The following RAB1A variants were observed in gnomAD, a reference collection of about 807,000 sequenced individuals.
RAB1A encodes the protein ras-related protein Rab-1A.
In RAB1A, 2 loss-of-function variants were observed where a neutral mutation model predicts 26.0. The observed-to-expected ratio is 0.08, with a 90% confidence interval of 0.03 to 0.24. The LOEUF (loss-of-function observed/expected upper bound fraction) is 0.24, where lower values mean the gene tolerates loss of function less well. RAB1A is among the 10% of genes least tolerant of loss of function. The pLI is 1.00. For missense variants in RAB1A, 100 were observed against 247.0 expected, an observed-to-expected ratio of 0.40 and a Z score of 3.99; for synonymous variants, 84 against 84.9, an observed-to-expected ratio of 0.99 and a Z score of 0.06.
chr2:65,121,378 T>A (rs1056095140), intron 1 of RAB1A, among the ~76,000 whole-genome samples: 1 of 152,154 alleles, frequency 6.6e-6, no homozygotes, highest in African/African-American at 2.4e-5. Context: ...CTACTTGTCC[T>A]AATTAGGAAA....
intron 1 of RAB1A, among the ~76,000 whole-genome samples, chr2:65,125,380 A>G (rs1177529441): frequency 4.0e-5 from 6 of 151,630 alleles, no homozygotes; most frequent in African/African-American, 1.5e-4. Flanking sequence ...ATTATGAAAA[A>G]TGTTATGAGA....
intron 4 of RAB1A, among the ~76,000 whole-genome samples, chr2:65,089,298 G>A (rs192854185): frequency 2.6e-4 from 40 of 151,774 alleles, no homozygotes; most frequent in African/African-American, 8.9e-4. Flanking sequence ...CTGCACCCTC[G>A]ACCTCCCAAG....
chr2:65,127,517 G>A (rs532979130), intron 1 of RAB1A, among the ~76,000 whole-genome samples: 5 of 152,054 alleles, frequency 3.3e-5, no homozygotes, highest in Non-Finnish European at 7.4e-5. Context: ...GGATCACTTC[G>A]GGAGTTTGAG....
intron 4 of RAB1A, 70 bp from the exon 5 acceptor site, chr2:65,089,140 TCCTGA>T: frequency 7.2e-7 from 1 of 1,388,004 alleles, no homozygotes; most frequent in Non-Finnish European, 9.9e-7. Flanking sequence ...GAAACATCGT[TCCTGA>T]CCTAACAGAC....
chr2:65,116,454 G>T lies in RAB1A; in HGVS notation c.24-11648C>A, dbSNP rs141458124. Among the ~76,000 whole-genome samples the T allele has an allele frequency of 2.5e-3, 378 of 152,212 alleles. 4 individuals are homozygous for T. The highest frequency in any genetic ancestry group is 8.6e-3 in the African/African-American group (359 of 41,516). On this transcript the variant is annotated intron_variant, in intron 1 of 5. Coordinates refer to ENST00000409784, the MANE Select transcript of RAB1A (RefSeq NM_004161.5). ...GTGCAAGTTATTCACTTACCACCATGAGCCTCAATTTCCTCATCTATAAGG... is the reference window on the plus strand; with the variant it reads ...GTGCAAGTTATTCACTTACCACCATTAGCCTCAATTTCCTCATCTATAAGG...
intron 1 of RAB1A, among the ~76,000 whole-genome samples, chr2:65,118,055 T>C (rs911876746): frequency 1.3e-5 from 2 of 152,210 alleles, no homozygotes; most frequent in Admixed American, 6.5e-5. Flanking sequence ...GGCATTTTCT[T>C]CATGGGATTA....
intron 3 of RAB1A, among the ~76,000 whole-genome samples, chr2:65,094,167 A>C (rs927345468): frequency 5.3e-5 from 8 of 151,612 alleles, no homozygotes; most frequent in Non-Finnish European, 7.4e-5. Context: ...ACAGGGTTTC[A>C]CCATGTTGCC....
rs1181366352 is a variant in RAB1A, at chr2:65,087,586, G to A, written c.*907C>T. The A allele has an allele frequency of 6.6e-6, 1 of 152,574 alleles. No homozygotes were observed. Among genetic ancestry groups the A allele is most frequent in the Non-Finnish European group, 1.5e-5 (1 of 68,034 alleles). The allele number at this position is 152,574 out of a possible 1,614,324, so 9.5% of individuals were successfully genotyped here. On this transcript the variant is annotated 3_prime_UTR_variant, in exon 6 of 6. Transcript: ENST00000409784. ...AGCTATTTCAAATGGTTTTAGAGAA[G>A]GATCAGAGATAACGGGCTAGATAGC...
chr2:65,112,016 G>A (rs571539555), intron 1 of RAB1A, among the ~76,000 whole-genome samples: 19 of 152,182 alleles, frequency 1.2e-4, no homozygotes, highest in Non-Finnish European at 1.6e-4. Context: ...CTGGGAGGTA[G>A]AGGTTGCAGT....
At chr2:65,106,042 G>A (rs1326695727) in intron 1 of RAB1A, among the ~76,000 whole-genome samples, 1 of 152,152 alleles carries the variant, frequency 6.6e-6, no homozygotes, top group African/African-American at 2.4e-5. Flanking sequence ...TTACAGGTGT[G>A]AGCCACCGCA....
intron 1 of RAB1A, among the ~76,000 whole-genome samples, chr2:65,122,974 C>CAAAAAAA (rs751246247): frequency 1.2e-4 from 4 of 34,618 alleles, no homozygotes; most frequent in Non-Finnish European, 1.6e-4. Flanking sequence ...CCGTCTCAGA[C>CAAAAAAA]AAAAAAAAAA....
chr2:65,112,487 T>C (rs1275063572), intron 1 of RAB1A, among the ~76,000 whole-genome samples: 1 of 152,212 alleles, frequency 6.6e-6, no homozygotes, highest in African/African-American at 2.4e-5. Flanking sequence ...CATTTCATGT[T>C]TTCTCAAGTT....
At chr2:65,097,066 C>G (rs1669306222) in intron 3 of RAB1A, among the ~76,000 whole-genome samples, 1 of 150,780 alleles carries the variant, frequency 6.6e-6, no homozygotes, top group South Asian at 2.1e-4. Flanking sequence ...ATACTAGAAC[C>G]AAGACAACAA....
At chr2:65,088,791 T>C in intron 5 of RAB1A, 101 bp from the exon 6 acceptor site, 1 of 1,324,104 alleles carries the variant, frequency 7.6e-7, no homozygotes, top group Non-Finnish European at 1.0e-6. Flanking sequence ...CTAAGTTCAT[T>C]GGATCCAAAC....
At chr2:65,107,457 T>C (rs893394040) in intron 1 of RAB1A, among the ~76,000 whole-genome samples, 5 of 151,900 alleles carry the variant, frequency 3.3e-5, no homozygotes, top group African/African-American at 9.7e-5. Context: ...TATCACAGCA[T>C]TGATACTACC....
chr2:65,119,742 C>T (rs1669912619), intron 1 of RAB1A, among the ~76,000 whole-genome samples: 1 of 143,388 alleles, frequency 7.0e-6, no homozygotes, highest in Non-Finnish European at 1.5e-5. Context: ...CAGTGGCTCA[C>T]AGCTGTAATC....
intron 1 of RAB1A, among the ~76,000 whole-genome samples, chr2:65,108,356 C>CA (rs777981281): frequency 8.5e-4 from 44 of 51,604 alleles, no homozygotes; most frequent in East Asian, 3.7e-3. Context: ...AACTCCATCT[C>CA]AAAAAAAAAA....
At chr2:65,117,752 G>A (rs927113189) in intron 1 of RAB1A, among the ~76,000 whole-genome samples, 11 of 135,634 alleles carry the variant, frequency 8.1e-5, no homozygotes, top group African/African-American at 3.0e-4. Context: ...TTTTTTTTTG[G>A]TAGAGATGAG....
At position 65,098,161 on chromosome 2, in the gene RAB1A, A is replaced by T. The variant is rs563503264; in HGVS notation, c.97-95T>A. The T allele has an allele frequency of 4.4e-5, 28 of 639,488 alleles. No individual in the cohort carries two copies. In the Admixed American group the frequency reaches 7.5e-4, roughly 17 times the overall value. 39.6% of individuals were successfully genotyped at this position (639,488 alleles called of 1,614,324 possible). ...AAAAAACTGTTGTTCAAGAGTAAAT[A>T]AAAAAAAAGTTTACTTTTATCTACA... On this transcript the variant is annotated intron_variant, in intron 2 of 5. Coordinates refer to ENST00000409784, the MANE Select transcript of RAB1A (RefSeq NM_004161.5).
Sources: gnomAD v4.1 joint callset for allele counts (sites outside exome capture counted in the v4.1 genomes callset) on GRCh38, gnomAD v4.1.1 for gene constraint, MANE v1.5 for transcripts, NCBI Gene and HGNC (gene_info 2026-07-23, HGNC 2026-07-21) for gene names.